The following SNX19 variants were observed in gnomAD, a reference collection of about 807,000 sequenced individuals.
SNX19 encodes sorting nexin-19.
In SNX19, 60 loss-of-function variants were observed where a neutral mutation model predicts 85.2. The observed-to-expected ratio is 0.70, with a 90% CI of 0.57 to 0.87. The LOEUF (loss-of-function observed/expected upper bound fraction) is 0.87. Among genes scored for constraint, SNX19 ranks in the 40% least tolerant of loss-of-function variants. The pLI is 0.00. For synonymous variants in SNX19, 520 were observed against 470.0 expected, an observed-to-expected ratio of 1.11 and a Z score of -1.38; for missense variants, 1,201 against 1,217.8, an observed-to-expected ratio of 0.99 and a Z score of 0.21.
intron 8 of SNX19, among the ~76,000 whole-genome samples, chr11:130,896,787 G>T (rs1944904191): frequency 6.6e-6 from 1 of 152,130 alleles, no homozygotes; most frequent in Non-Finnish European, 1.5e-5. Flanking sequence ...ATTGTAATAA[G>T]CGTCAGTTCC....
At chr11:130,880,896 T>C in intron 8 of SNX19, 90 bp from the exon 9 acceptor site, 2 of 1,143,884 alleles carry the variant, frequency 1.7e-6, no homozygotes, top group Non-Finnish European at 2.4e-6. Flanking sequence ...CCCCTGCAGA[T>C]TCGTGTGTCA....
In SNX19 at chr11:130,872,485, A is replaced by G. The variant is rs968992494; in HGVS notation, c.*5937T>C. Among the ~76,000 whole-genome samples, 7 of 151,920 alleles carry G rather than the reference A, an allele frequency of 4.6e-5. No homozygotes were observed. The highest frequency in any genetic ancestry group is 1.5e-4 in the African/African-American group (6 of 41,354). On this transcript the variant is annotated 3_prime_UTR_variant, in exon 11 of 11. Coordinates refer to ENST00000265909, the MANE Select transcript of SNX19 (RefSeq NM_014758.3). ...TTTTTTTTCTCTCTTAAACCAGTCAATGTTGTCTTTGTGTAATAAGAAATA... is the reference window on the plus strand; with the variant it reads ...TTTTTTTTCTCTCTTAAACCAGTCAGTGTTGTCTTTGTGTAATAAGAAATA...
chr11:130,890,643 T>C (rs915634225), intron 8 of SNX19, among the ~76,000 whole-genome samples: 1 of 152,180 alleles, frequency 6.6e-6, no homozygotes, highest in Admixed American at 6.5e-5. Context: ...TACACTATAT[T>C]GTTTTACTGC....
intron 8 of SNX19, among the ~76,000 whole-genome samples, chr11:130,900,577 G>A (rs1945191204): frequency 6.6e-6 from 1 of 152,138 alleles, no homozygotes; most frequent in South Asian, 2.1e-4. Context: ...TGAGCACTCT[G>A]AGTTATTCAA....
Position 130,906,651 on chromosome 11 carries a change from G to A in SNX19, c.2236C>T (p.Leu746Phe). 1.2e-6 allele frequency: 2 copies of A among 1,612,730 alleles called. No homozygotes were observed. The highest frequency in any genetic ancestry group is 1.7e-6 in the Non-Finnish European group (2 of 1,178,920). The change falls in exon 6 of 11, where the codon CTT (leucine) becomes TTT (phenylalanine). Residue 746 changes from leucine (L) to phenylalanine (F), a missense_variant. Around this residue, in one of 3 missense-constraint regions of SNX19, gnomAD observed 285 missense variants for 295.3 expected, o/e 0.97. Coordinates refer to ENST00000265909, the MANE Select transcript of SNX19 (RefSeq NM_014758.3). ...LSVTEAQDKI[L>F]YCLQEGNVES... Reference sequence around the variant, plus strand: ...ACATTGCCTTCCTGGAGACAATAAAGAATCTTGTCTTGTGCTTCAGTCACA... The same window carrying A: ...ACATTGCCTTCCTGGAGACAATAAAAAATCTTGTCTTGTGCTTCAGTCACA...
At chr11:130,911,436 G>A in intron 2 of SNX19, 197 bp downstream of exon 2, 1 of 1,386,424 alleles carries the variant, frequency 7.2e-7, no homozygotes, top group Non-Finnish European at 9.3e-7. Context: ...AAAGCAGTTG[G>A]CAGTAAAGGA....
In SNX19 at chr11:130,903,459, G is replaced by C. The variant is rs112834138; in HGVS notation, c.2444-75C>G. 44 of 1,511,514 alleles carry C rather than the reference G, an allele frequency of 2.9e-5. 2 individuals carry two copies. The African/African-American group carries it at 3.3e-4, about 11-fold the overall frequency. 93.6% of individuals were successfully genotyped at this position (1,511,514 alleles called of 1,614,324 possible). A position where few individuals can be genotyped will look rare whatever the true frequency, so the allele number is the denominator to read the frequency against. ...AGGAACATCTTTCAAGGTACTGGTG[G>C]CACCTGTGTCTCTCTACCTTCATGC... On this transcript the variant is annotated intron_variant, in intron 7 of 10. Coordinates refer to ENST00000265909, the MANE Select transcript of SNX19 (RefSeq NM_014758.3).
intron 8 of SNX19, among the ~76,000 whole-genome samples, chr11:130,882,273 C>T (rs754733940): frequency 1.3e-5 from 2 of 152,204 alleles, no homozygotes; most frequent in African/African-American, 2.4e-5. Flanking sequence ...TCTATTCATG[C>T]ACGGAAGACT....
chr11:130,867,071 G>T lies in SNX19; in HGVS notation c.*11351C>A, dbSNP rs993279961. The T allele has an allele frequency of 4.6e-5, 7 of 152,328 alleles. No homozygotes were observed. Among genetic ancestry groups the T allele is most frequent in the Non-Finnish European group, 1.0e-4 (7 of 68,038 alleles). 9.4% of individuals were successfully genotyped at this position (152,328 alleles called of 1,614,324 possible). A position where few individuals can be genotyped will look rare whatever the true frequency, so the allele number is the denominator to read the frequency against. ...TACTGACAGAGCTGGAATTCTGCCT[G>T]GTTGGTTGTCGGCATAACCCATGTT... On this transcript the variant is annotated 3_prime_UTR_variant, in exon 11 of 11. Transcript: ENST00000265909.
intron 8 of SNX19, among the ~76,000 whole-genome samples, chr11:130,886,376 A>G (rs1298529376): frequency 6.6e-6 from 1 of 152,168 alleles, no homozygotes; most frequent in Admixed American, 6.5e-5. Context: ...TGCAACGTAC[A>G]ATGCATTTTT....
rs1259829443 is a variant in SNX19 at position 130,905,749 on chromosome 11, T to C, written c.2443+204A>G. The C allele has an allele frequency of 5.2e-6, 8 of 1,537,046 alleles. No individual in the cohort carries two copies. In the Admixed American group the frequency reaches 9.8e-5, roughly 19 times the overall value. ...ATTAGAACTTCCTGTGTTTGTGCCCTGTTCTGCTGCTTGATTCCGCTGTGG... is the reference window on the plus strand; with the variant it reads ...ATTAGAACTTCCTGTGTTTGTGCCCCGTTCTGCTGCTTGATTCCGCTGTGG... On this transcript the variant is annotated intron_variant, in intron 7 of 10. Coordinates refer to ENST00000265909, the MANE Select transcript of SNX19 (RefSeq NM_014758.3).
chr11:130,893,687 A>C, intron 8 of SNX19: 1 of 657,386 alleles, frequency 1.5e-6, no homozygotes, highest in Non-Finnish European at 2.7e-6. Context: ...GAAAACACAG[A>C]GGAGTAATAA....
rs1221744341 is a variant in SNX19 at position 130,874,354 on chromosome 11, T to C, written c.*4068A>G. ...GGATTCTTGAAGGACTTCTGGGAAA[T>C]GGTTCCTTCATTCCTTAGAAGAAAA... On this transcript the variant is annotated 3_prime_UTR_variant, in exon 11 of 11. Transcript: ENST00000265909. Among the ~76,000 whole-genome samples the C allele has an allele frequency of 3.3e-5, 5 of 152,218 alleles. No homozygotes were observed. The highest frequency in any genetic ancestry group is 2.6e-4 in the Admixed American group (4 of 15,270).
intron 8 of SNX19, among the ~76,000 whole-genome samples, chr11:130,884,626 G>C (rs71483640): frequency 0.17 from 26,106 of 151,962 alleles, 3,569 homozygotes; most frequent in African/African-American, 0.38. Flanking sequence ...CCAGCACTTT[G>C]GAAGGCTGAG....
At chr11:130,908,108 C>G (rs1179476483) in intron 4 of SNX19, 25 bp from the exon 5 acceptor site, 8 of 1,611,240 alleles carry the variant, frequency 5.0e-6, no homozygotes, top group Non-Finnish European at 6.8e-6. Context: ...GGTGCAGGGT[C>G]AGTCCATCCA....
At chr11:130,906,425 G>C (rs1945675182) in intron 6 of SNX19, among the ~76,000 whole-genome samples, 200 bp downstream of exon 6, 1 of 152,126 alleles carries the variant, frequency 6.6e-6, no homozygotes, top group South Asian at 2.1e-4. Context: ...TGGTTGAGAA[G>C]CCAACCTGCC....
chr11:130,886,446 G>C (rs1944077220), intron 8 of SNX19, among the ~76,000 whole-genome samples: 1 of 152,138 alleles, frequency 6.6e-6, no homozygotes, highest in Non-Finnish European at 1.5e-5. Context: ...TCAAGAATTA[G>C]GAGTTCCGAG....
chr11:130,906,218 C>A, intron 6 of SNX19, 85 bp from the exon 7 acceptor site: 4 of 1,377,500 alleles, frequency 2.9e-6, no homozygotes, highest in South Asian at 1.4e-5. Context: ...CTGCCTCTCC[C>A]CTGCATAAGT....
In SNX19 at chr11:130,873,386, A is replaced by G. The variant is rs1349402375; in HGVS notation, c.*5036T>C. Among the ~76,000 whole-genome samples, 1 of 152,196 alleles carries G rather than the reference A, an allele frequency of 6.6e-6. No individual in the cohort carries two copies. The highest frequency in any genetic ancestry group is 1.5e-5 in the Non-Finnish European group (1 of 68,026). ...TTACAGAGAAAGTTTGCTGGCTCCT[A>G]TACTAGACTGTAGACTCCTTAAAAG... is the stretch of plus-strand genomic sequence containing the variant. On this transcript the variant is annotated 3_prime_UTR_variant, in exon 11 of 11. Transcript: ENST00000265909.
Sources: allele counts gnomAD v4.1 joint callset (sites outside exome capture counted in the v4.1 genomes callset), GRCh38; gene constraint gnomAD v4.1.1; regional missense constraint gnomAD v4.1.1; transcripts MANE v1.5; gene names NCBI Gene and HGNC (gene_info 2026-07-23, HGNC 2026-07-21).